MTG1: variants seen among roughly 807,000 people sequenced by gnomAD.
MTG1 encodes the protein mitochondrial ribosome associated GTPase 1, also known as mitochondrial ribosome-associated GTPase 1.
Under a neutral mutation model 39.5 loss-of-function variants are expected in MTG1, and 30 were observed. The observed-to-expected ratio is 0.76, with a 90% confidence interval of 0.57 to 1.03. The LOEUF (loss-of-function observed/expected upper bound fraction) is 1.03, where lower values mean the gene tolerates loss of function less well. Ranked by LOEUF, MTG1 falls within the 50% of genes least tolerant of loss-of-function variation. The pLI, the probability that MTG1 is intolerant of heterozygous loss-of-function variation, is 0.00. For missense variants in MTG1, 513 were observed against 447.4 expected (o/e 1.15, Z -1.32); for synonymous variants, 217 against 179.0 (o/e 1.21, Z -1.69).
At position 133,402,766 on chromosome 10, in the gene MTG1, C is replaced by T. The variant is rs746818212; in HGVS notation, c.745C>T (p.Arg249Cys). The T allele has an allele frequency of 9.7e-5, 156 of 1,602,578 alleles. No homozygotes were observed. The highest frequency in any genetic ancestry group is 1.9e-4 in the African/African-American group (14 of 74,696). ...YLLYTLNKHQ[R>C]FGYVQHYGLG... The stretch of plus-strand genomic sequence containing the variant: ...GCTGTACACCCTCAACAAACACCAG[C>T]GCTTTGGGTGAGTGCAGTGAATGCA... Residue 249 changes from arginine (R) to cysteine (C), a missense_variant, in exon 9 of 11, where the codon CGC becomes TGC. Physicochemically the swap from Arg to Cys is radical, Grantham distance 180. Coordinates refer to ENST00000317502, the MANE Select transcript of MTG1 (RefSeq NM_138384.4). This position sits in a 1 kb window ranked among gnomAD's most constrained non-coding sequence, Gnocchi z 4.7.
At chr10:133,412,378 A>G (rs1850059983) in intron 9 of MTG1, among the ~76,000 whole-genome samples, 1 of 152,170 alleles carries the variant, frequency 6.6e-6, no homozygotes, top group African/African-American at 2.4e-5. Flanking sequence ...ATTTTTGTAT[A>G]TTGATCTTGT....
At chr10:133,405,102 C>T (rs1211320814) in intron 9 of MTG1, among the ~76,000 whole-genome samples, 1 of 152,198 alleles carries the variant, frequency 6.6e-6, no homozygotes, top group African/African-American at 2.4e-5. Flanking sequence ...ATTTATAGGT[C>T]AGTCTGGGGA....
At chr10:133,410,322 G>A (rs775739073) in intron 9 of MTG1, among the ~76,000 whole-genome samples, 9 of 152,154 alleles carry the variant, frequency 5.9e-5, no homozygotes, top group Non-Finnish European at 1.3e-4. Context: ...CTCCCAAAGC[G>A]CTGGGATTAC....
chr10:133,401,465 C>T lies in MTG1; in HGVS notation c.512-64C>T. The stretch of plus-strand genomic sequence containing the variant: ...AGATGTGTTTGTTACATACGTCTCC[C>T]TACTTGTTCTGCAGCTTCTGTGTTT... On this transcript the variant is annotated intron_variant, in intron 6 of 10. Transcript: ENST00000317502. 5.0e-6 allele frequency: 7 copies of T among 1,408,682 alleles called. No homozygotes were observed. In the South Asian group the frequency reaches 9.7e-5, roughly 20 times the overall value. 87.3% of individuals were successfully genotyped at this position (1,408,682 alleles called of 1,614,324 possible).
At chr10:133,405,089 T>C (rs1039842083) in intron 9 of MTG1, among the ~76,000 whole-genome samples, 1 of 152,220 alleles carries the variant, frequency 6.6e-6, no homozygotes, top group African/African-American at 2.4e-5. Context: ...CAGATTCCCC[T>C]GAATTTATAG....
intron 7 of MTG1, chr10:133,401,898 T>C (rs962155741): frequency 1.1e-4 from 54 of 513,724 alleles, no homozygotes; most frequent in African/African-American, 1.0e-3. Flanking sequence ...CTCCACTCCC[T>C]TCCTTGTGTT....
In MTG1 at chr10:133,421,594, C is replaced by T. The variant is rs1056799145; in HGVS notation, c.*1429C>T. On this transcript the variant is annotated 3_prime_UTR_variant, in exon 11 of 11. Transcript: ENST00000317502. ...TGGTCTGGAAGGGGTGGAGGAGCGT[C>T]TGGGCTCACTGGGCCAGGGGCATTG... The T allele has an allele frequency of 2.0e-5, 3 of 153,598 alleles. No individual in the cohort carries two copies. Among genetic ancestry groups the T allele is most frequent in the African/African-American group, 7.2e-5 (3 of 41,446 alleles). 9.5% of individuals were successfully genotyped at this position (153,598 alleles called of 1,614,324 possible). A position where few individuals can be genotyped will look rare whatever the true frequency, so the allele number is the denominator to read the frequency against.
At chr10:133,399,003 C>A (rs1478773344) in intron 4 of MTG1, among the ~76,000 whole-genome samples, 167 bp from the exon 5 acceptor site, 2 of 152,152 alleles carry the variant, frequency 1.3e-5, no homozygotes, top group Non-Finnish European at 2.9e-5. Flanking sequence ...CCCAGTTTGC[C>A]TATGAAATGT....
chr10:133,413,953 T>C (rs1850083850), intron 9 of MTG1, among the ~76,000 whole-genome samples: 1 of 150,308 alleles, frequency 6.7e-6, no homozygotes. Context: ...TTCTTGGGTG[T>C]TTCTCGCAGA....
Position 133,394,350 on chromosome 10 carries a change from G to C in MTG1, c.112+18G>C, listed in dbSNP as rs1325440699. ...GGCCAAGGGTGAGGCACGGCGGGGA[G>C]GGGCAAGGTCATGCCTACGGCCGCG... is the stretch of plus-strand genomic sequence containing the variant. On this transcript the variant is annotated intron_variant, in intron 1 of 10. Coordinates refer to ENST00000317502, the MANE Select transcript of MTG1 (RefSeq NM_138384.4). 6.8e-7 allele frequency: 1 copy of C among 1,480,062 alleles called. No individual in the cohort carries two copies. The highest frequency in any genetic ancestry group is 2.3e-5 in the Admixed American group (1 of 42,938). The allele number at this position is 1,480,062 out of a possible 1,614,324, so 91.7% of individuals were successfully genotyped here.
intron 9 of MTG1, among the ~76,000 whole-genome samples, chr10:133,417,531 AG>A (rs1401137559): frequency 6.6e-6 from 1 of 151,712 alleles, no homozygotes; most frequent in Non-Finnish European, 1.5e-5. Context: ...TGGCCAGGGC[AG>A]TTAGGCAGGA....
intron 6 of MTG1, chr10:133,401,303 T>C: frequency 2.2e-6 from 1 of 462,432 alleles, no homozygotes; most frequent in Non-Finnish European, 3.8e-6. Flanking sequence ...GGTTTGTGAC[T>C]GAAAGTGAAA....
intron 9 of MTG1, among the ~76,000 whole-genome samples, chr10:133,411,300 T>C (rs748679185): frequency 6.6e-6 from 1 of 152,226 alleles, no homozygotes; most frequent in African/African-American, 2.4e-5. Flanking sequence ...GCCAGTTACA[T>C]TGGAGCTCTT....
Position 133,402,820 on chromosome 10 carries a change from C to T in MTG1, c.752+47C>T. The T allele has an allele frequency of 2.2e-6, 3 of 1,361,562 alleles. No homozygotes were observed. Among genetic ancestry groups the T allele is most frequent in the Admixed American group, 2.6e-5 (1 of 38,774 alleles). 84.3% of individuals were successfully genotyped at this position (1,361,562 alleles called of 1,614,324 possible). A position where few individuals can be genotyped will look rare whatever the true frequency, so the allele number is the denominator to read the frequency against. ...CAGCTGGGGCCCCTCCTCCTAGTCA[C>T]CTCATTTAAAAAAAAAAAACAAACA... On this transcript the variant is annotated intron_variant, in intron 9 of 10. Transcript: ENST00000317502. The surrounding 1 kb of genome is among the most constrained non-coding windows in gnomAD (Gnocchi z 4.7).
rs887629603 is a variant in MTG1, at chr10:133,402,847, A to T, written c.752+74A>T. The T allele has an allele frequency of 2.2e-5, 25 of 1,122,520 alleles. No homozygotes were observed. The highest frequency in any genetic ancestry group is 3.2e-5 in the Non-Finnish European group (25 of 785,796). 69.5% of individuals were successfully genotyped at this position (1,122,520 alleles called of 1,614,324 possible). On this transcript the variant is annotated intron_variant, in intron 9 of 10. Coordinates refer to ENST00000317502, the MANE Select transcript of MTG1 (RefSeq NM_138384.4). This position sits in a 1 kb window ranked among gnomAD's most constrained non-coding sequence, Gnocchi z 4.7. ...TCATTTAAAAAAAAAAAACAAACAAAAAAACCCCCAGCATTATAAAGGTAT... is the reference window on the plus strand; with the variant it reads ...TCATTTAAAAAAAAAAAACAAACAATAAAACCCCCAGCATTATAAAGGTAT...
chr10:133,422,134 C>T lies in MTG1; in HGVS notation c.*1969C>T, dbSNP rs543175006. ...TCTCCTGTCCTTGGATGTTGGGGGG[C>T]TCAGCCTCTTGCATGGGTGTCCTGC... is the stretch of plus-strand genomic sequence containing the variant. On this transcript the variant is annotated 3_prime_UTR_variant, in exon 11 of 11. Transcript: ENST00000317502. 3 of 153,062 alleles carry T rather than the reference C, an allele frequency of 2.0e-5. No homozygotes were observed. The highest frequency in any genetic ancestry group is 2.0e-4 in the Admixed American group (3 of 15,324). 9.5% of individuals were successfully genotyped at this position (153,062 alleles called of 1,614,324 possible).
At chr10:133,417,599 C>G (rs1850149968) in intron 9 of MTG1, among the ~76,000 whole-genome samples, 1 of 151,882 alleles carries the variant, frequency 6.6e-6, no homozygotes, top group South Asian at 2.1e-4. Flanking sequence ...TCCCTGTTTG[C>G]AGATGACATG....
rs1243232629 is a variant in MTG1, at chr10:133,421,907, G to GC, written c.*1742_*1743insC. 6.8e-6 allele frequency: 1 copy of GC among 147,358 alleles called. No homozygotes were observed. Among genetic ancestry groups the GC allele is most frequent in the Non-Finnish European group, 1.5e-5 (1 of 66,562 alleles). The allele number at this position is 147,358 out of a possible 1,614,324, so 9.1% of individuals were successfully genotyped here. A position where few individuals can be genotyped will look rare whatever the true frequency, so the allele number is the denominator to read the frequency against. ...GGTGAGATCCCAAGGCCACGGCGGG[G>GC]GGCAGGGAGAACCCCTCCTACCCTG... On this transcript the variant is annotated 3_prime_UTR_variant, in exon 11 of 11. Coordinates refer to ENST00000317502, the MANE Select transcript of MTG1 (RefSeq NM_138384.4).
At chr10:133,411,743 T>TA (rs1382989545) in intron 9 of MTG1, among the ~76,000 whole-genome samples, 1 of 152,146 alleles carries the variant, frequency 6.6e-6, no homozygotes, top group Non-Finnish European at 1.5e-5. Flanking sequence ...GAGCCTCTAA[T>TA]ATATTTTTCA....
Sources: gnomAD v4.1 joint callset for allele counts (sites outside exome capture counted in the v4.1 genomes callset) on GRCh38, gnomAD v4.1.1 for gene constraint, Gnocchi (gnomAD v3.1) non-coding constraint, MANE v1.5 for transcripts, NCBI Gene and HGNC (gene_info 2026-07-23, HGNC 2026-07-21) for gene names.